KIF5B: variants seen among roughly 807,000 people sequenced by gnomAD.
The protein encoded by KIF5B is kinesin family member 5B.
In KIF5B, 49 loss-of-function variants were observed where a neutral mutation model predicts 132.8. That is an observed-to-expected ratio of 0.37 (90% CI 0.29 to 0.47). KIF5B has a LOEUF of 0.47. Ranked by LOEUF, KIF5B falls within the 20% of genes least tolerant of loss-of-function variation. The pLI is 1.00. For missense variants in KIF5B, 780 were observed against 1,144.0 expected, an observed-to-expected ratio of 0.68 and a Z score of 4.59; for synonymous variants, 355 against 369.4, an observed-to-expected ratio of 0.96 and a Z score of 0.45.
chr10:32,027,975 A>ATT (rs879774407), intron 15 of KIF5B, among the ~76,000 whole-genome samples: 1 of 146,170 alleles, frequency 6.8e-6, no homozygotes, highest in Non-Finnish European at 1.5e-5. Flanking sequence ...TTAAGCACGA[A>ATT]TTTTTTTTTT....
rs924790907 is a variant in KIF5B at position 32,050,373 on chromosome 10, C to A, written c.127-1822G>T. Among the ~76,000 whole-genome samples the A allele has an allele frequency of 6.6e-5, 10 of 152,218 alleles. No homozygotes were observed. In the East Asian group the frequency reaches 1.9e-3, roughly 29 times the overall value. ...CCAAGCTCTGAATAATATGAAGTGG[C>A]GGTCTGTTCGAGGTCTCTGAGAAGG... On this transcript the variant is annotated intron_variant, in intron 1 of 25. Coordinates refer to ENST00000302418, the MANE Select transcript of KIF5B (RefSeq NM_004521.3).
At chr10:32,026,142 GAAC>G (rs201565453) in intron 15 of KIF5B, among the ~76,000 whole-genome samples, 2,001 of 152,078 alleles carry the variant, frequency 0.013, 15 homozygotes, top group Non-Finnish European at 0.018. Context: ...TGTAACTTAA[GAAC>G]AACAACAGGC....
chr10:32,012,899 A>ATTTT (rs746066933), intron 25 of KIF5B, among the ~76,000 whole-genome samples: 1 of 136,518 alleles, frequency 7.3e-6, no homozygotes, highest in African/African-American at 2.7e-5. Flanking sequence ...AACTCATGTA[A>ATTTT]TTTTTTTTTT....
intron 14 of KIF5B, 61 bp downstream of exon 14, chr10:32,031,012 G>T: frequency 8.3e-7 from 1 of 1,203,960 alleles, no homozygotes; most frequent in Non-Finnish European, 1.2e-6. Context: ...TATTTAAGTA[G>T]TTTTTAGGTT....
intron 1 of KIF5B, among the ~76,000 whole-genome samples, chr10:32,053,595 G>C (rs1269626185): frequency 6.6e-6 from 1 of 151,802 alleles, no homozygotes. Flanking sequence ...GTGGTAGCGC[G>C]TGCCTGTAAT....
intron 1 of KIF5B, among the ~76,000 whole-genome samples, chr10:32,055,636 C>T (rs1184791875): frequency 6.6e-6 from 1 of 152,134 alleles, no homozygotes; most frequent in African/African-American, 2.4e-5. Flanking sequence ...TTCCCGTCTC[C>T]CGGCGCCGAA....
chr10:32,028,669 G>T (rs757239009), intron 14 of KIF5B, 98 bp from the exon 15 acceptor site: 3 of 993,038 alleles, frequency 3.0e-6, no homozygotes, highest in African/African-American at 1.6e-5. Context: ...AAGCCCTTAC[G>T]AAACCATGTC....
chr10:32,043,408 G>A (rs994870133), intron 2 of KIF5B, among the ~76,000 whole-genome samples: 3 of 152,148 alleles, frequency 2.0e-5, no homozygotes, highest in Non-Finnish European at 2.9e-5. Flanking sequence ...AAGCTGAGAC[G>A]CAAATGCAAA....
chr10:32,037,642 G>A (rs772956958), intron 6 of KIF5B, 35 bp from the exon 7 acceptor site: 3 of 1,473,350 alleles, frequency 2.0e-6, no homozygotes, highest in Admixed American at 3.5e-5. Flanking sequence ...GTTAATGTCT[G>A]GCCAACATGA....
Position 32,015,534 on chromosome 10 carries a change from CTT to C in KIF5B, c.2885_2886del (p.Gln962ArgfsTer28). On this transcript the variant is annotated frameshift_variant, in exon 25 of 26. Coordinates refer to ENST00000302418, the MANE Select transcript of KIF5B (RefSeq NM_004521.3). LOFTEE classifies it high-confidence loss of function. Reference protein sequence around the residue: ...PVAVRGGGGKQV With the variant: ...PVAVRGGGGKXV ...CTGTGGGTATGTATAAACGATTACA[CTT>C]GTTTGCCTCCTCCACCTCGCACTGC... The C allele has an allele frequency of 6.2e-7, 1 of 1,609,080 alleles. No individual in the cohort carries two copies. Among genetic ancestry groups the C allele is most frequent in the Non-Finnish European group, 8.5e-7 (1 of 1,178,006 alleles).
intron 1 of KIF5B, among the ~76,000 whole-genome samples, chr10:32,054,681 T>C (rs1016665559): frequency 6.6e-6 from 1 of 152,218 alleles, no homozygotes; most frequent in African/African-American, 2.4e-5. Flanking sequence ...ATGGTAACAA[T>C]GTAGAAAGTT....
In KIF5B at chr10:32,037,560, G is replaced by A. The variant is rs749434997; in HGVS notation, c.546C>T (p.Thr182=). ...GTCTGTTGGATTTTCCTTCATCTATGGTATCCATAACTTCATCTGGACTAC... is the reference window on the plus strand; with the variant it reads ...GTCTGTTGGATTTTCCTTCATCTATAGTATCCATAACTTCATCTGGACTAC... ...FVCSPDEVMD[T]IDEGKSNRHV... is the part of the protein sequence containing the mutation. The change falls in exon 7 of 26, where the codon ACC becomes ACT. Residue 182 remains threonine (T), a synonymous_variant. Coordinates refer to ENST00000302418, the MANE Select transcript of KIF5B (RefSeq NM_004521.3). 1 of 1,613,268 alleles carries A rather than the reference G, an allele frequency of 6.2e-7. No individual in the cohort carries two copies. Among genetic ancestry groups the A allele is most frequent in the South Asian group, 1.1e-5 (1 of 91,066 alleles).
Position 32,055,982 on chromosome 10 carries a change from CAGCCGGGGCCGGCGGCCGGG to C in KIF5B, c.-29_-10del. On this transcript the variant is annotated 5_prime_UTR_variant, in exon 1 of 26. Coordinates refer to ENST00000302418, the MANE Select transcript of KIF5B (RefSeq NM_004521.3). ...TCGGCCAGGTCCGCCATCTTTCTCG[CAGCCGGGGCCGGCGGCCGGG>C]AGCCACTCCCCGCCGCTCAGTCTTG... is the stretch of plus-strand genomic sequence containing the variant. 1 of 1,602,130 alleles carries C rather than the reference CAGCCGGGGCCGGCGGCCGGG, an allele frequency of 6.2e-7. No homozygotes were observed. The highest frequency in any genetic ancestry group is 8.5e-7 in the Non-Finnish European group (1 of 1,179,746).
chr10:32,014,547 GAA>G (rs1491287549), intron 25 of KIF5B, among the ~76,000 whole-genome samples: 1 of 136,532 alleles, frequency 7.3e-6, no homozygotes, highest in Non-Finnish European at 1.6e-5. Context: ...GAAAGCTCCA[GAA>G]AGAGAGAGAG....
At chr10:32,054,781 T>G (rs533157659) in intron 1 of KIF5B, among the ~76,000 whole-genome samples, 10 of 152,360 alleles carry the variant, frequency 6.6e-5, no homozygotes, top group African/African-American at 2.4e-4. Flanking sequence ...TTAATCTCCT[T>G]CAACTAGGAG....
Position 32,056,063 on chromosome 10 carries a change from G to T in KIF5B, c.-90C>A. 6.7e-7 allele frequency: 1 copy of T among 1,493,422 alleles called. No homozygotes were observed. Among genetic ancestry groups the T allele is most frequent in the Non-Finnish European group, 9.1e-7 (1 of 1,104,128 alleles). 92.5% of individuals were successfully genotyped at this position (1,493,422 alleles called of 1,614,324 possible). Reference sequence around the variant, plus strand: ...GCCGGACCTGAGGGCTTGTGGTCGCGAGGGCCGTGAGAGGCAGCAGTCAGC... The same window carrying T: ...GCCGGACCTGAGGGCTTGTGGTCGCTAGGGCCGTGAGAGGCAGCAGTCAGC... On this transcript the variant is annotated 5_prime_UTR_variant, in exon 1 of 26. Transcript: ENST00000302418.
In KIF5B at chr10:32,012,902, T is replaced by C. The variant is rs866399249; in HGVS notation, c.*21-1386A>G. Among the ~76,000 whole-genome samples the C allele has an allele frequency of 3.5e-3, 528 of 149,948 alleles. 5 individuals are homozygous for C. The highest frequency in any genetic ancestry group is 0.012 in the African/African-American group (492 of 40,974). ...GGGTAACATCTTAACTCATGTAATT[T>C]TTTTTTTTTTTTTTTTGAGACGGAG... On this transcript the variant is annotated intron_variant, in intron 25 of 25. Transcript: ENST00000302418.
rs534472086 is a variant in KIF5B, at chr10:32,056,339, C to T, written c.-366G>A. 175 of 254,810 alleles carry T rather than the reference C, an allele frequency of 6.9e-4. No individual in the cohort carries two copies. Among genetic ancestry groups the T allele is most frequent in the African/African-American group, 4.0e-3 (170 of 42,432 alleles). 15.8% of individuals were successfully genotyped at this position (254,810 alleles called of 1,614,324 possible). A position where few individuals can be genotyped will look rare whatever the true frequency, so the allele number is the denominator to read the frequency against. On this transcript the variant is annotated 5_prime_UTR_variant, in exon 1 of 26. Transcript: ENST00000302418. ...CCACCTTCTTCCTCCTCGCGAAGAG[C>T]AGGCCGGGCCTACCCGTCCGCCCGC...
chr10:32,022,701 A>G, intron 16 of KIF5B, 147 bp downstream of exon 16: 1 of 565,702 alleles, frequency 1.8e-6, no homozygotes, highest in Non-Finnish European at 3.1e-6. Context: ...TAACTCAGTT[A>G]AATCATTCAA....
Sources: gnomAD v4.1 joint callset for allele counts (sites outside exome capture counted in the v4.1 genomes callset) on GRCh38, gnomAD v4.1.1 for gene constraint, MANE v1.5 for transcripts, NCBI Gene and HGNC (gene_info 2026-07-23, HGNC 2026-07-21) for gene names.